The following STYXL2 variants were observed in gnomAD, a reference collection of about 807,000 sequenced individuals.
STYXL2 encodes serine/threonine/tyrosine interacting like 2, also known as serine/threonine/tyrosine-interacting-like protein 2.
A neutral mutation model predicts 52.4 loss-of-function variants in STYXL2; 44 were observed. That is an observed-to-expected ratio of 0.84 (90% CI 0.66 to 1.08). The LOEUF is 1.08. STYXL2 is among the 50% of genes least tolerant of loss of function. The pLI is 0.00. For missense variants in STYXL2, 1,604 were observed against 1,471.7 expected (o/e 1.09, Z -1.47); for synonymous variants, 604 against 586.9 (o/e 1.03, Z -0.42).
At chr1:167,102,575 A>T (rs1189723564) in intron 2 of STYXL2, among the ~76,000 whole-genome samples, 1 of 152,224 alleles carries the variant, frequency 6.6e-6, no homozygotes, top group Non-Finnish European at 1.5e-5. Flanking sequence ...CCAGAAAAAG[A>T]TATCTGACAA....
Position 167,127,822 on chromosome 1 carries a change from A to G in STYXL2, c.2691A>G (p.Arg897=). 6.2e-7 allele frequency: 1 copy of G among 1,613,834 alleles called. No homozygotes were observed. Among genetic ancestry groups the G allele is most frequent in the Non-Finnish European group, 8.5e-7 (1 of 1,180,020 alleles). The change falls in exon 6 of 6, where the codon CGA becomes CGG. Residue 897 remains arginine, a synonymous_variant. Transcript: ENST00000361200. ...EDTDSAIGSF[R]YSSRSNSQKP... ...CTGACAGTGCCATAGGGAGCTTCCG[A>G]TATTCTTCCCGCAGTAATTCCCAGA...
intron 5 of STYXL2, among the ~76,000 whole-genome samples, chr1:167,123,948 C>T (rs184386732): frequency 6.6e-6 from 1 of 151,992 alleles, no homozygotes; most frequent in East Asian, 1.9e-4. Flanking sequence ...GACAGGGTCT[C>T]ATTCTGTTGC....
intron 3 of STYXL2, among the ~76,000 whole-genome samples, chr1:167,114,523 G>A (rs867867529): frequency 5.3e-5 from 8 of 152,118 alleles, no homozygotes; most frequent in South Asian, 2.1e-4. Flanking sequence ...CTCAACCACC[G>A]CTGGTGGCCA....
At position 167,095,780 on chromosome 1, in the gene STYXL2, A is replaced by G. The variant is rs574138054; in HGVS notation, c.110+821A>G. On this transcript the variant is annotated intron_variant, in intron 2 of 5. Transcript: ENST00000361200. ...GAATAACTGAAGTGATTGAGCCTTT[A>G]GTTGGAAGCGCCTAACTAAAACATC... 3.3e-5 allele frequency among the ~76,000 whole-genome samples: 5 copies of G among 152,288 alleles called. No individual in the cohort carries two copies. The South Asian group carries it at 1.0e-3, about 32-fold the overall frequency.
Position 167,128,776 on chromosome 1 carries a change from A to C in STYXL2, c.*168A>C. On this transcript the variant is annotated 3_prime_UTR_variant, in exon 6 of 6. Coordinates refer to ENST00000361200, the MANE Select transcript of STYXL2 (RefSeq NM_001080426.3). Reference sequence around the variant, plus strand: ...TAAGGGCAGCAGAGGTGGAGTAGGGAGGAGGCAAGGAGGGGGAGAACCATC... The same window carrying C: ...TAAGGGCAGCAGAGGTGGAGTAGGGCGGAGGCAAGGAGGGGGAGAACCATC... The C allele has an allele frequency of 1.8e-6, 2 of 1,087,134 alleles. No homozygotes were observed. Among genetic ancestry groups the C allele is most frequent in the Non-Finnish European group, 2.5e-6 (2 of 787,258 alleles). The allele number at this position is 1,087,134 out of a possible 1,614,324, so 67.3% of individuals were successfully genotyped here.
chr1:167,101,113 T>C (rs918300949), intron 2 of STYXL2, among the ~76,000 whole-genome samples: 1 of 152,198 alleles, frequency 6.6e-6, no homozygotes, highest in African/African-American at 2.4e-5. Flanking sequence ...TTTTTAAAAC[T>C]CCCACAACCT....
At chr1:167,112,613 G>A (rs886320454) in intron 2 of STYXL2, among the ~76,000 whole-genome samples, 3 of 152,178 alleles carry the variant, frequency 2.0e-5, no homozygotes, top group African/African-American at 7.2e-5. Flanking sequence ...CCACCTCCCT[G>A]TTCTAATCTA....
chr1:167,115,458 A>C (rs1448107598), intron 3 of STYXL2, among the ~76,000 whole-genome samples: 1 of 152,196 alleles, frequency 6.6e-6, no homozygotes, highest in African/African-American at 2.4e-5. Flanking sequence ...TGAACCAGAG[A>C]CCTAGTGAAA....
chr1:167,125,811 T>A lies in STYXL2; in HGVS notation c.680T>A (p.Met227Lys), dbSNP rs1667949749. 6.2e-7 allele frequency: 1 copy of A among 1,604,300 alleles called. No homozygotes were observed. The highest frequency in any genetic ancestry group is 1.3e-5 in the African/African-American group (1 of 74,276). Residue 227 changes from methionine (M) to lysine (K), a missense_variant, in exon 6 of 6, where the codon ATG becomes AAG. Transcript: ENST00000361200. Reference sequence around the variant, plus strand: ...GGGAAAGTCCTGGTCAGCAGCGAAATGGGCATCAGCCGGTCAGCAGTGCTG... The same window carrying A: ...GGGAAAGTCCTGGTCAGCAGCGAAAAGGGCATCAGCCGGTCAGCAGTGCTG... ...YRGKVLVSSE[M>K]GISRSAVLVV...
At chr1:167,117,648 C>G (rs926814805) in intron 4 of STYXL2, 89 bp downstream of exon 4, 9 of 1,229,272 alleles carry the variant, frequency 7.3e-6, no homozygotes, top group African/African-American at 1.5e-5. Context: ...TCACCAAAGG[C>G]GCCCATAGGT....
Position 167,117,313 on chromosome 1 carries a change from G to A in STYXL2, c.206-15G>A, listed in dbSNP as rs371926436. On this transcript the variant is annotated splice_polypyrimidine_tract_variant and intron_variant, in intron 3 of 5. Coordinates refer to ENST00000361200, the MANE Select transcript of STYXL2 (RefSeq NM_001080426.3). ...TTCCTAACTCTCTGATGAGAATGCTGCCTGTCTCCTCTAGAACTCAAGCCA... is the reference window on the plus strand; with the variant it reads ...TTCCTAACTCTCTGATGAGAATGCTACCTGTCTCCTCTAGAACTCAAGCCA... The A allele has an allele frequency of 3.1e-6, 5 of 1,590,576 alleles. No individual in the cohort carries two copies. Among genetic ancestry groups the A allele is most frequent in the Non-Finnish European group, 4.3e-6 (5 of 1,167,464 alleles).
In STYXL2 at chr1:167,126,015, C is replaced by G. The variant is rs756674857; in HGVS notation, c.884C>G (p.Ala295Gly). The G allele has an allele frequency of 6.2e-7, 1 of 1,604,364 alleles. No homozygotes were observed. Among genetic ancestry groups the G allele is most frequent in the Non-Finnish European group, 8.5e-7 (1 of 1,175,420 alleles). Residue 295 changes from alanine to glycine, a missense_variant, in exon 6 of 6, where the codon GCT becomes GGT. Physicochemically the swap from Ala to Gly is moderately conservative, Grantham distance 60 (BLOSUM62 0). Coordinates refer to ENST00000361200, the MANE Select transcript of STYXL2 (RefSeq NM_001080426.3). Reference protein sequence around the residue: ...DYGREGGSAEAEEGEGTGSML... With the variant: ...DYGREGGSAEGEEGEGTGSML... ...GGCCGGGAGGGGGGATCAGCTGAGGCTGAGGAGGGCGAGGGCACTGGGAGC... is the reference window on the plus strand; with the variant it reads ...GGCCGGGAGGGGGGATCAGCTGAGGGTGAGGAGGGCGAGGGCACTGGGAGC...
chr1:167,094,408 T>C (rs1667235328), intron 1 of STYXL2: 1 of 173,392 alleles, frequency 5.8e-6, no homozygotes, highest in Admixed American at 5.5e-5. Flanking sequence ...AGCTGTGTCT[T>C]CCCCAGCAGA....
chr1:167,111,692 G>T (rs973206944), intron 2 of STYXL2, among the ~76,000 whole-genome samples: 1 of 151,742 alleles, frequency 6.6e-6, no homozygotes, highest in Non-Finnish European at 1.5e-5. Context: ...AGGAGCTAAG[G>T]TACGAGGAGG....
In STYXL2 at chr1:167,099,318, G is replaced by A. The variant is rs1383793559; in HGVS notation, c.110+4359G>A. Among the ~76,000 whole-genome samples the A allele has an allele frequency of 9.2e-5, 14 of 152,044 alleles. No individual in the cohort carries two copies. In the South Asian group the frequency reaches 2.7e-3, roughly 29 times the overall value. ...TAATAAGAATATCAAAAATTATCAA[G>A]AATATTTGGATAAAACAATAAATAA... On this transcript the variant is annotated intron_variant, in intron 2 of 5. Coordinates refer to ENST00000361200, the MANE Select transcript of STYXL2 (RefSeq NM_001080426.3).
intron 5 of STYXL2, among the ~76,000 whole-genome samples, chr1:167,125,513 C>T (rs1169736725): frequency 1.3e-5 from 2 of 152,230 alleles, no homozygotes; most frequent in Non-Finnish European, 1.5e-5. Context: ...TTGTATTTCT[C>T]CTCCCTCTGT....
At chr1:167,115,952 G>T (rs532660167) in intron 3 of STYXL2, among the ~76,000 whole-genome samples, 1 of 152,248 alleles carries the variant, frequency 6.6e-6, no homozygotes, top group East Asian at 1.9e-4. Context: ...AACAAGCCCT[G>T]CTTACAGACC....
At chr1:167,110,311 A>G (rs1667590622) in intron 2 of STYXL2, among the ~76,000 whole-genome samples, 1 of 152,216 alleles carries the variant, frequency 6.6e-6, no homozygotes, top group Non-Finnish European at 1.5e-5. Flanking sequence ...ATGACAAAGC[A>G]AGGTTCTTTA....
At chr1:167,109,785 T>C (rs537964983) in intron 2 of STYXL2, among the ~76,000 whole-genome samples, 1 of 151,952 alleles carries the variant, frequency 6.6e-6, no homozygotes, top group Non-Finnish European at 1.5e-5. Context: ...TTACAACAAC[T>C]CATAAAAGAA....
Sources: allele counts gnomAD v4.1 joint callset (sites outside exome capture counted in the v4.1 genomes callset), GRCh38; gene constraint gnomAD v4.1.1; transcripts MANE v1.5; gene names NCBI Gene and HGNC (gene_info 2026-07-23, HGNC 2026-07-21).